SPAG16: variants seen among roughly 807,000 people sequenced by gnomAD.
SPAG16 encodes the protein sperm associated antigen 16.
Under a neutral mutation model 80.4 loss-of-function variants are expected in SPAG16, and 86 were observed. The ratio of observed to expected loss-of-function variants is 1.07; its 90% CI spans 0.90 to 1.28. SPAG16 has a LOEUF of 1.28. Among genes scored for constraint, SPAG16 ranks in the 50% most tolerant of loss-of-function variants. The pLI is 0.00. For synonymous variants in SPAG16, 294 were observed against 265.9 expected, an observed-to-expected ratio of 1.11 and a Z score of -1.03; for missense variants, 870 against 765.3, an observed-to-expected ratio of 1.14 and a Z score of -1.61.
intron 10 of SPAG16, among the ~76,000 whole-genome samples, chr2:213,578,005 C>T (rs1313233313): frequency 3.3e-5 from 5 of 151,980 alleles, no homozygotes; most frequent in Non-Finnish European, 7.4e-5. Flanking sequence ...CTTAAGGAAC[C>T]TGATTATCAT....
chr2:214,374,039 G>A (rs1351001861), intron 15 of SPAG16, among the ~76,000 whole-genome samples: 1 of 152,174 alleles, frequency 6.6e-6, no homozygotes, highest in Non-Finnish European at 1.5e-5. Flanking sequence ...AGGATCTAAG[G>A]CTATAACAGA....
chr2:214,052,698 C>T (rs2049718632), intron 13 of SPAG16, among the ~76,000 whole-genome samples: 1 of 152,112 alleles, frequency 6.6e-6, no homozygotes, highest in Non-Finnish European at 1.5e-5. Context: ...TTTAATTGCA[C>T]TTTGGTTCCC....
intron 1 of SPAG16, among the ~76,000 whole-genome samples, chr2:213,292,400 C>T (rs1162958880): frequency 6.6e-6 from 1 of 152,046 alleles, no homozygotes; most frequent in Non-Finnish European, 1.5e-5. Context: ...TGCGGTGGCT[C>T]ACGCCTGTAA....
At chr2:214,281,606 C>T (rs774205379) in intron 15 of SPAG16, among the ~76,000 whole-genome samples, 11 of 152,284 alleles carry the variant, frequency 7.2e-5, no homozygotes, top group Admixed American at 3.3e-4. Flanking sequence ...TGTAAAATGG[C>T]ATGACTCCTA....
chr2:214,086,913 C>A (rs7571280), intron 13 of SPAG16, among the ~76,000 whole-genome samples: 100,759 of 152,006 alleles, frequency 0.66, 33,877 homozygotes, highest in African/African-American at 0.74. Context: ...TTGCAATGCC[C>A]AATGAACAAC....
At chr2:214,365,964 G>A (rs933179114) in intron 15 of SPAG16, among the ~76,000 whole-genome samples, 13 of 149,992 alleles carry the variant, frequency 8.7e-5, no homozygotes, top group Non-Finnish European at 1.3e-4. Flanking sequence ...TCATCAGAAC[G>A]ATTCTATTTG....
At chr2:213,416,412 G>A (rs553255784) in intron 9 of SPAG16, among the ~76,000 whole-genome samples, 1 of 152,232 alleles carries the variant, frequency 6.6e-6, no homozygotes, top group Admixed American at 6.5e-5. Context: ...CTAGGTCATA[G>A]CCTATATTGG....
At chr2:213,939,977 G>A (rs2079132482) in intron 12 of SPAG16, among the ~76,000 whole-genome samples, 1 of 152,162 alleles carries the variant, frequency 6.6e-6, no homozygotes, top group African/African-American at 2.4e-5. Context: ...GAGTGACATA[G>A]TTGTTTTTCA....
intron 15 of SPAG16, among the ~76,000 whole-genome samples, chr2:214,259,439 A>G (rs952884852): frequency 4.7e-5 from 7 of 150,182 alleles, no homozygotes; most frequent in African/African-American, 1.7e-4. Context: ...ATATATACAC[A>G]TATAGAAATA....
intron 15 of SPAG16, among the ~76,000 whole-genome samples, chr2:214,230,202 T>A (rs1245636537): frequency 1.3e-5 from 2 of 151,986 alleles, no homozygotes. Flanking sequence ...TTGGCATTAT[T>A]GTTACGTGAT....
At chr2:214,120,847 T>C (rs551320721) in intron 14 of SPAG16, among the ~76,000 whole-genome samples, 1 of 152,000 alleles carries the variant, frequency 6.6e-6, no homozygotes, top group Admixed American at 6.6e-5. Flanking sequence ...ATGATGATTT[T>C]CAAGTAAATC....
chr2:213,648,864 A>G (rs2062922199), intron 10 of SPAG16, among the ~76,000 whole-genome samples: 1 of 152,200 alleles, frequency 6.6e-6, no homozygotes, highest in South Asian at 2.1e-4. Flanking sequence ...TGGTTGACAC[A>G]GTTTAAATTG....
In SPAG16 at chr2:213,906,694, A is replaced by G. The variant is rs567088296; in HGVS notation, c.1215-23266A>G. ...ATTAGAAAAATGAAACAGCTTAGAG[A>G]GCCTGGAAATTAATCCACATATTTA... On this transcript the variant is annotated intron_variant, in intron 11 of 15. Transcript: ENST00000331683. 2.6e-5 allele frequency among the ~76,000 whole-genome samples: 4 copies of G among 152,294 alleles called. No homozygotes were observed. The South Asian group carries it at 8.3e-4, about 32-fold the overall frequency.
At chr2:213,419,206 G>C (rs2069445627) in intron 9 of SPAG16, among the ~76,000 whole-genome samples, 1 of 152,048 alleles carries the variant, frequency 6.6e-6, no homozygotes, top group Admixed American at 6.5e-5. Flanking sequence ...AGTTGTCTCT[G>C]AACAATAACT....
chr2:214,064,043 C>T (rs2125194403), intron 13 of SPAG16, among the ~76,000 whole-genome samples: 1 of 152,124 alleles, frequency 6.6e-6, no homozygotes, highest in South Asian at 2.1e-4. Context: ...GAGTCATGTA[C>T]TGATTTTGAG....
intron 10 of SPAG16, among the ~76,000 whole-genome samples, chr2:213,680,044 A>G (rs1271850736): frequency 1.3e-5 from 2 of 152,146 alleles, no homozygotes; most frequent in African/African-American, 4.8e-5. Flanking sequence ...AAGAGGATAC[A>G]GCACACCACC....
chr2:214,369,433 T>C (rs962034597), intron 15 of SPAG16, among the ~76,000 whole-genome samples: 1 of 152,094 alleles, frequency 6.6e-6, no homozygotes, highest in Non-Finnish European at 1.5e-5. Context: ...AAAAGCCACA[T>C]GACATAAATA....
intron 10 of SPAG16, among the ~76,000 whole-genome samples, chr2:213,576,171 G>T (rs1045151732): frequency 3.3e-5 from 5 of 152,072 alleles, no homozygotes; most frequent in African/African-American, 1.2e-4. Flanking sequence ...ACCATTTATT[G>T]AATAGCGAGT....
At chr2:213,877,875 T>C (rs2076198654) in intron 11 of SPAG16, among the ~76,000 whole-genome samples, 1 of 152,140 alleles carries the variant, frequency 6.6e-6, no homozygotes, top group African/African-American at 2.4e-5. Context: ...TCTTAAAACA[T>C]GGATTTTATC....
Sources: gnomAD v4.1 joint callset for allele counts (sites outside exome capture counted in the v4.1 genomes callset) on GRCh38, gnomAD v4.1.1 for gene constraint, MANE v1.5 for transcripts, NCBI Gene and HGNC (gene_info 2026-07-23, HGNC 2026-07-21) for gene names.